FKBP14: variants seen among roughly 807,000 people sequenced by gnomAD.
The protein encoded by FKBP14 is peptidyl-prolyl cis-trans isomerase FKBP14.
Under a neutral mutation model 21.6 loss-of-function variants are expected in FKBP14, and 20 were observed. The ratio of observed to expected loss-of-function variants is 0.92; its 90% CI spans 0.65 to 1.34. The LOEUF is 1.34. Among genes scored for constraint, FKBP14 ranks in the 40% most tolerant of loss-of-function variants. The probability of loss-of-function intolerance (pLI) is 0.00; values close to 1 mark genes in which losing one functional copy is unlikely to be tolerated. For synonymous variants in FKBP14, 79 were observed against 86.7 expected (o/e 0.91, Z 0.49); for missense variants, 253 against 249.0 (o/e 1.02, Z -0.11).
chr7:30,024,023 C>T (rs780619963), intron 1 of FKBP14, among the ~76,000 whole-genome samples: 14 of 152,106 alleles, frequency 9.2e-5, no homozygotes, highest in South Asian at 2.1e-4. Context: ...ACCAACCTGC[C>T]GAACTACATA....
In FKBP14 at chr7:30,013,136, A is replaced by G. The variant is rs1436706499; in HGVS notation, c.*1599T>C. 2.0e-5 allele frequency: 3 copies of G among 152,196 alleles called. No individual in the cohort carries two copies. Among genetic ancestry groups the G allele is most frequent in the Non-Finnish European group, 4.4e-5 (3 of 68,038 alleles). 9.4% of individuals were successfully genotyped at this position (152,196 alleles called of 1,614,324 possible). On this transcript the variant is annotated 3_prime_UTR_variant, in exon 4 of 4. Transcript: ENST00000222803. Reference sequence around the variant, plus strand: ...TACTCTTAGAAAATGAAGATTTGATAACTTTAAAAAAAAGAATTAAAGATA... The same window carrying G: ...TACTCTTAGAAAATGAAGATTTGATGACTTTAAAAAAAAGAATTAAAGATA...
At chr7:30,007,463 C>A (rs550332291), downstream of FKBP14, among the ~76,000 whole-genome samples, 1 of 152,034 alleles carries the variant, frequency 6.6e-6, no homozygotes, top group Non-Finnish European at 1.5e-5. Flanking sequence ...CCGCCTTGGC[C>A]TCCAAAAGTG....
Position 30,026,358 on chromosome 7 carries a change from G to A in FKBP14, c.151C>T (p.His51Tyr), listed in dbSNP as rs1432866528. ...KTKGGDLMLVHYEGYLEKDGS... is the reference protein window; with the variant it reads ...KTKGGDLMLVYYEGYLEKDGS... Reference sequence around the variant, plus strand: ...TCCTTTTCTAAGTAGCCTTCATAGTGGACCAACATCAAATCCCCTCCTTTG... The same window carrying A: ...TCCTTTTCTAAGTAGCCTTCATAGTAGACCAACATCAAATCCCCTCCTTTG... Residue 51 changes from histidine (H) to tyrosine (Y), a missense_variant, in exon 1 of 4, where the codon CAC becomes TAC. Coordinates refer to ENST00000222803, the MANE Select transcript of FKBP14 (RefSeq NM_017946.4). 1 of 1,613,896 alleles carries A rather than the reference G, an allele frequency of 6.2e-7. No homozygotes were observed. The highest frequency in any genetic ancestry group is 8.5e-7 in the Non-Finnish European group (1 of 1,179,932).
At chr7:30,015,750 C>T (rs1163301983) in intron 3 of FKBP14, among the ~76,000 whole-genome samples, 2 of 151,102 alleles carry the variant, frequency 1.3e-5, no homozygotes, top group Non-Finnish European at 3.0e-5. Flanking sequence ...CTCAGCCTCC[C>T]GAGTAGCTGG....
downstream of FKBP14, chr7:30,010,453 A>C (rs1789694794): frequency 6.6e-6 from 1 of 152,234 alleles, no homozygotes; most frequent in Non-Finnish European, 1.5e-5. Flanking sequence ...CAGAGGCACA[A>C]AGTGTCACTG....
chr7:30,021,186 G>T (rs1790022479), intron 2 of FKBP14, among the ~76,000 whole-genome samples: 1 of 152,090 alleles, frequency 6.6e-6, no homozygotes, highest in Admixed American at 6.5e-5. Context: ...AAATAAATAT[G>T]ATTCCCAGTA....
chr7:30,009,779 C>T (rs1789680276), downstream of FKBP14, among the ~76,000 whole-genome samples: 1 of 146,712 alleles, frequency 6.8e-6, no homozygotes. Flanking sequence ...TACCTGAGGT[C>T]AGGAGTTCGA....
At chr7:30,025,208 C>T (rs1790143119) in intron 1 of FKBP14, among the ~76,000 whole-genome samples, 1 of 152,172 alleles carries the variant, frequency 6.6e-6, no homozygotes, top group African/African-American at 2.4e-5. Flanking sequence ...CCCTACTTTC[C>T]CCCTGGAAAC....
chr7:30,016,908 C>G (rs1348487423), intron 3 of FKBP14, among the ~76,000 whole-genome samples: 1 of 151,648 alleles, frequency 6.6e-6, no homozygotes, highest in African/African-American at 2.4e-5. Flanking sequence ...TGATTTAATG[C>G]AGTTGTTAAA....
chr7:30,016,405 T>C (rs1167177831), intron 3 of FKBP14, among the ~76,000 whole-genome samples: 1 of 151,980 alleles, frequency 6.6e-6, no homozygotes, highest in Non-Finnish European at 1.5e-5. Context: ...GTTTTTCTTT[T>C]TTTTTTGAAA....
Position 30,011,435 on chromosome 7 carries a change from A to C in FKBP14, c.*3300T>G, listed in dbSNP as rs1005058684. The C allele has an allele frequency of 1.2e-4, 18 of 150,944 alleles. No homozygotes were observed. Among genetic ancestry groups the C allele is most frequent in the African/African-American group, 3.9e-4 (16 of 40,916 alleles). 9.4% of individuals were successfully genotyped at this position (150,944 alleles called of 1,614,324 possible). A position where few individuals can be genotyped will look rare whatever the true frequency, so the allele number is the denominator to read the frequency against. On this transcript the variant is annotated 3_prime_UTR_variant, in exon 4 of 4. Transcript: ENST00000222803. The stretch of plus-strand genomic sequence containing the variant: ...GTACAGTAATGTCCTAGGCCTTTAC[A>C]TTCACTCACCACTGACTCATCCAGA...
Position 30,026,381 on chromosome 7 carries a change from T to C in FKBP14, c.128A>G (p.Lys43Arg). The C allele has an allele frequency of 6.2e-7, 1 of 1,614,156 alleles. No homozygotes were observed. Among genetic ancestry groups the C allele is most frequent in the Admixed American group, 1.7e-5 (1 of 60,018 alleles). The change falls in exon 1 of 4, where the codon AAA becomes AGA. Residue 43 changes from lysine to arginine, a missense_variant. Transcript: ENST00000222803. Reference protein sequence around the residue: ...QKPFICHRKTKGGDLMLVHYE... With the variant: ...QKPFICHRKTRGGDLMLVHYE... Reference sequence around the variant, plus strand: ...GTGGACCAACATCAAATCCCCTCCTTTGGTCTTGCGATGGCAGATGAATGG... The same window carrying C: ...GTGGACCAACATCAAATCCCCTCCTCTGGTCTTGCGATGGCAGATGAATGG...
intron 3 of FKBP14, among the ~76,000 whole-genome samples, chr7:30,017,128 A>G (rs1403600223): frequency 6.6e-6 from 1 of 152,080 alleles, no homozygotes; most frequent in African/African-American, 2.4e-5. Context: ...AATAAAACTA[A>G]GCCGGGTGCA....
At chr7:30,016,508 C>T (rs965265353) in intron 3 of FKBP14, among the ~76,000 whole-genome samples, 2 of 152,102 alleles carry the variant, frequency 1.3e-5, no homozygotes, top group Admixed American at 6.5e-5. Flanking sequence ...ATTCACCTGC[C>T]TCAGACTCCC....
Position 30,011,423 on chromosome 7 carries a change from CT to C in FKBP14, c.*3311del, listed in dbSNP as rs540540775. 6.6e-4 allele frequency: 100 copies of C among 151,058 alleles called. No homozygotes were observed. Among genetic ancestry groups the C allele is most frequent in the African/African-American group, 2.3e-3 (95 of 41,048 alleles). 9.4% of individuals were successfully genotyped at this position (151,058 alleles called of 1,614,324 possible). On this transcript the variant is annotated 3_prime_UTR_variant, in exon 4 of 4. Coordinates refer to ENST00000222803, the MANE Select transcript of FKBP14 (RefSeq NM_017946.4). ...GTCTACAGTAGTGTACAGTAATGTC[CT>C]AGGCCTTTACATTCACTCACCACTG...
downstream of FKBP14, among the ~76,000 whole-genome samples, chr7:30,007,092 C>T (rs1789630263): frequency 6.6e-6 from 1 of 152,014 alleles, no homozygotes; most frequent in South Asian, 2.1e-4. Flanking sequence ...ATAAATTAAG[C>T]TCAACTTTAT....
At chr7:30,015,920 C>T (rs945650865) in intron 3 of FKBP14, among the ~76,000 whole-genome samples, 13 of 150,742 alleles carry the variant, frequency 8.6e-5, no homozygotes, top group Non-Finnish European at 7.4e-5. Context: ...CCACCGCGCC[C>T]GGCCTTTTAG....
At chr7:30,009,145 G>C (rs1043451959), downstream of FKBP14, among the ~76,000 whole-genome samples, 2 of 151,774 alleles carry the variant, frequency 1.3e-5, 1 homozygote, top group South Asian at 4.2e-4. Flanking sequence ...CTCTGGAAAA[G>C]AAGTTCTTTT....
intron 2 of FKBP14, 43 bp downstream of exon 2, chr7:30,022,622 C>G: frequency 6.4e-7 from 1 of 1,559,732 alleles, no homozygotes; most frequent in East Asian, 2.3e-5. Context: ...ATCCAGAGAA[C>G]AACTCTAGTG....
Sources: allele counts gnomAD v4.1 joint callset (sites outside exome capture counted in the v4.1 genomes callset), GRCh38; gene constraint gnomAD v4.1.1; transcripts MANE v1.5; gene names NCBI Gene and HGNC (gene_info 2026-07-23, HGNC 2026-07-21).